RASAL2: variants seen among roughly 807,000 people sequenced by gnomAD.
The protein encoded by RASAL2 is ras GTPase-activating protein nGAP.
A neutral mutation model predicts 128.9 loss-of-function variants in RASAL2; 58 were observed. The ratio of observed to expected loss-of-function variants is 0.45; its 90% CI spans 0.36 to 0.56. RASAL2 has a LOEUF of 0.56. Among genes scored for constraint, RASAL2 ranks in the 20% least tolerant of loss-of-function variants. The pLI is 0.00. For missense variants in RASAL2, 1,360 were observed against 1,601.6 expected, an observed-to-expected ratio of 0.85 and a Z score of 2.57; for synonymous variants, 561 against 580.8, an observed-to-expected ratio of 0.97 and a Z score of 0.49.
chr1:178,250,638 C>T (rs998893954), intron 1 of RASAL2, among the ~76,000 whole-genome samples: 3 of 152,134 alleles, frequency 2.0e-5, no homozygotes, highest in Admixed American at 6.5e-5. Flanking sequence ...AGAAATCACC[C>T]GCCTTCTGCG....
intron 1 of RASAL2, among the ~76,000 whole-genome samples, chr1:178,250,948 A>G (rs1285650989): frequency 6.6e-6 from 1 of 152,206 alleles, no homozygotes; most frequent in Non-Finnish European, 1.5e-5. Flanking sequence ...AGTACAGTCA[A>G]GGGCTAGCTA....
chr1:178,146,427 G>C (rs1238626116), intron 1 of RASAL2, among the ~76,000 whole-genome samples: 1 of 152,104 alleles, frequency 6.6e-6, no homozygotes, highest in Non-Finnish European at 1.5e-5. Flanking sequence ...GTTTTCTTAT[G>C]TTCAAAAATA....
intron 4 of RASAL2, among the ~76,000 whole-genome samples, chr1:178,414,877 CA>C (rs1351698870): frequency 6.6e-6 from 1 of 152,104 alleles, no homozygotes; most frequent in East Asian, 1.9e-4. Context: ...CCTAGATTAT[CA>C]AATCCCTTTT....
At position 178,473,487 on chromosome 1, in the gene RASAL2, C is replaced by T. The variant is rs1648463331; in HGVS notation, c.*248C>T. On this transcript the variant is annotated 3_prime_UTR_variant, in exon 18 of 18. Coordinates refer to ENST00000367649, the MANE Select transcript of RASAL2 (RefSeq NM_170692.4). ...TCTGGGCCATGTACAGAAAATATCA[C>T]TGTAATATACCAAAAGGAAGTTAAT... The T allele has an allele frequency of 1.9e-6, 1 of 519,872 alleles. No homozygotes were observed. The highest frequency in any genetic ancestry group is 3.4e-6 in the Non-Finnish European group (1 of 295,344). The allele number at this position is 519,872 out of a possible 1,614,324, so 32.2% of individuals were successfully genotyped here. A position where few individuals can be genotyped will look rare whatever the true frequency, so the allele number is the denominator to read the frequency against.
intron 1 of RASAL2, among the ~76,000 whole-genome samples, chr1:178,219,738 T>C (rs1436590843): frequency 3.9e-5 from 6 of 152,204 alleles, no homozygotes; most frequent in Non-Finnish European, 7.3e-5. Context: ...TTGTTTTGCC[T>C]TCCTCACTAA....
rs1278472099 is a variant in RASAL2, at chr1:178,474,841, CAAT to C, written c.*1603_*1605del. The C allele has an allele frequency of 1.3e-5, 2 of 151,888 alleles. No individual in the cohort carries two copies. The highest frequency in any genetic ancestry group is 2.9e-5 in the Non-Finnish European group (2 of 67,982). 9.4% of individuals were successfully genotyped at this position (151,888 alleles called of 1,614,324 possible). On this transcript the variant is annotated 3_prime_UTR_variant, in exon 18 of 18. Transcript: ENST00000367649. Reference sequence around the variant, plus strand: ...TAGTTGTTTTATATTGAGAAAGCAACAATGTTTCTCGAATAAGTTGATGTTGAT... The same window carrying C: ...TAGTTGTTTTATATTGAGAAAGCAACGTTTCTCGAATAAGTTGATGTTGAT...
chr1:178,395,771 G>GTATATATATATATATATATATATA (rs57664965), intron 4 of RASAL2, among the ~76,000 whole-genome samples: 4 of 133,016 alleles, frequency 3.0e-5, no homozygotes, highest in African/African-American at 1.4e-4. Flanking sequence ...TTAATGAACA[G>GTATATATATATATATATATATATA]TATATATATA....
intron 1 of RASAL2, among the ~76,000 whole-genome samples, chr1:178,161,194 A>G (rs1661280302): frequency 6.6e-6 from 1 of 152,086 alleles, no homozygotes; most frequent in Non-Finnish European, 1.5e-5. Flanking sequence ...ACTTTGTACA[A>G]TATCTTTTGC....
chr1:178,227,481 C>G (rs1472581007), intron 1 of RASAL2, among the ~76,000 whole-genome samples: 4 of 152,178 alleles, frequency 2.6e-5, no homozygotes, highest in Non-Finnish European at 4.4e-5. Context: ...TAAAAATCCC[C>G]TTACTACACA....
intron 1 of RASAL2, among the ~76,000 whole-genome samples, chr1:178,277,172 CA>C (rs1328718498): frequency 7.0e-6 from 1 of 142,328 alleles, no homozygotes; most frequent in Non-Finnish European, 1.5e-5. Context: ...AAAAAAAAAC[CA>C]AAAACTTGTT....
At chr1:178,138,524 G>A (rs1660411498) in intron 1 of RASAL2, among the ~76,000 whole-genome samples, 1 of 152,104 alleles carries the variant, frequency 6.6e-6, no homozygotes, top group Non-Finnish European at 1.5e-5. Flanking sequence ...ATATGTATAA[G>A]CCATATAACC....
At position 178,458,252 on chromosome 1, in the gene RASAL2, G is replaced by A. The variant is rs1323581918; in HGVS notation, c.2960G>A (p.Arg987Lys). 5.6e-6 allele frequency: 9 copies of A among 1,614,250 alleles called. No homozygotes were observed. The Middle Eastern group carries it at 4.9e-4, about 89-fold the overall frequency. The change falls in exon 14 of 18, where the codon AGG (arginine) becomes AAG (lysine). Residue 987 changes from arginine to lysine, a missense_variant. By Grantham distance (26) the Arg-to-Lys change is conservative. Coordinates refer to ENST00000367649, the MANE Select transcript of RASAL2 (RefSeq NM_170692.4). ...AGCACTCAGAGTGAGGACTTCTCCA[G>A]GCGGCACACGGTGCCAGATAGACAC... ...KRSTQSEDFS[R>K]RHTVPDRHIP...
chr1:178,412,050 T>G (rs1184328571), intron 4 of RASAL2: 4 of 345,332 alleles, frequency 1.2e-5, no homozygotes, highest in African/African-American at 2.2e-5. Context: ...GAAAATAAAT[T>G]GCCATCATGT....
At chr1:178,470,781 A>C in intron 17 of RASAL2, 1 of 1,300,320 alleles carries the variant, frequency 7.7e-7, no homozygotes, top group African/African-American at 1.5e-5. Context: ...GGCCCAGTGC[A>C]CTGGCCTCCT....
At position 178,451,778 on chromosome 1, in the gene RASAL2, C is replaced by G; in HGVS notation, c.1772+63C>G. 6 of 1,513,540 alleles carry G rather than the reference C, an allele frequency of 4.0e-6. No homozygotes were observed. The South Asian group carries it at 7.7e-5, about 19-fold the overall frequency. 93.8% of individuals were successfully genotyped at this position (1,513,540 alleles called of 1,614,324 possible). Reference sequence around the variant, plus strand: ...GTAAAGGTCATCACAGTGGAACTTACATTTTTTCATGTAAAAGTCATCACA... The same window carrying G: ...GTAAAGGTCATCACAGTGGAACTTAGATTTTTTCATGTAAAAGTCATCACA... On this transcript the variant is annotated intron_variant, in intron 10 of 17. Coordinates refer to ENST00000367649, the MANE Select transcript of RASAL2 (RefSeq NM_170692.4).
chr1:178,288,119 A>G (rs1439924578), intron 2 of RASAL2, among the ~76,000 whole-genome samples: 1 of 152,230 alleles, frequency 6.6e-6, no homozygotes, highest in East Asian at 1.9e-4. Context: ...AAAATTGTAT[A>G]TATTCATGGA....
intron 3 of RASAL2, among the ~76,000 whole-genome samples, chr1:178,319,586 C>T (rs10218456): frequency 2.1e-4 from 30 of 144,492 alleles, no homozygotes; most frequent in African/African-American, 7.5e-4. Context: ...TTGATCGTAT[C>T]GGCTCCTGAG....
chr1:178,296,526 A>AT (rs1407386501), intron 2 of RASAL2, among the ~76,000 whole-genome samples: 1 of 151,540 alleles, frequency 6.6e-6, no homozygotes, highest in African/African-American at 2.4e-5. Flanking sequence ...CAACTGGCTG[A>AT]TTTTTATTTT....
At chr1:178,439,682 GGTT>G in intron 6 of RASAL2, 107 bp downstream of exon 6, 1 of 969,142 alleles carries the variant, frequency 1.0e-6, no homozygotes, top group Non-Finnish European at 1.4e-6. Context: ...TTAATTAACT[GGTT>G]TTCAGTTGCT....
Sources: gnomAD v4.1 joint callset for allele counts (sites outside exome capture counted in the v4.1 genomes callset) on GRCh38, gnomAD v4.1.1 for gene constraint, MANE v1.5 for transcripts, NCBI Gene and HGNC (gene_info 2026-07-23, HGNC 2026-07-21) for gene names.